PDE1C: variants seen among roughly 807,000 people sequenced by gnomAD.
The protein encoded by PDE1C is phosphodiesterase 1C, also known as dual specificity calcium/calmodulin-dependent 3',5'-cyclic nucleotide phosphodiesterase 1C.
In PDE1C, 62 loss-of-function variants were observed where a neutral mutation model predicts 93.1. The ratio of observed to expected loss-of-function variants is 0.67; its 90% CI spans 0.54 to 0.82. PDE1C has a LOEUF of 0.82. PDE1C is among the 40% of genes least tolerant of loss of function. The pLI is 0.00. For missense variants in PDE1C, 742 were observed against 884.6 expected, an observed-to-expected ratio of 0.84 and a Z score of 2.04; for synonymous variants, 325 against 310.1, an observed-to-expected ratio of 1.05 and a Z score of -0.50.
At chr7:31,623,080 A>AATAACAGGATC in the PDE1C span, among the ~76,000 whole-genome samples, 6 of 152,226 alleles carry the variant, frequency 3.9e-5, no homozygotes, top group Non-Finnish European at 7.3e-5. Context: ...TGAATAGGCC[A>AATAACAGGATC]ATAACAGGAT....
In PDE1C at chr7:31,809,148, C is replaced by T. The variant is rs756831376; in HGVS notation, c.1814-40G>A. Reference sequence around the variant, plus strand: ...CATGACAAACAGTATATGTATGCAGCTGAGGGGGTTGTTATAAACATCTTT... The same window carrying T: ...CATGACAAACAGTATATGTATGCAGTTGAGGGGGTTGTTATAAACATCTTT... On this transcript the variant is annotated intron_variant, in intron 15 of 17. Coordinates refer to ENST00000396191, the MANE Select transcript of PDE1C (RefSeq NM_001191057.4). The T allele has an allele frequency of 2.4e-5, 26 of 1,102,142 alleles. No individual in the cohort carries two copies. In the Middle Eastern group the frequency reaches 6.0e-4, roughly 25 times the overall value. The allele number at this position is 1,102,142 out of a possible 1,614,324, so 68.3% of individuals were successfully genotyped here. A position where few individuals can be genotyped will look rare whatever the true frequency, so the allele number is the denominator to read the frequency against.
chr7:32,308,508 C>T (rs36201079), intron 1 of PDE1C, among the ~76,000 whole-genome samples: 18,024 of 152,140 alleles, frequency 0.12, 1,150 homozygotes, highest in East Asian at 0.18. Flanking sequence ...ACACCTCACA[C>T]GGCTGGGTAC....
intron 2 of PDE1C, among the ~76,000 whole-genome samples, chr7:32,034,029 T>G (rs959112078): frequency 2.0e-5 from 3 of 149,368 alleles, no homozygotes; most frequent in Non-Finnish European, 4.4e-5. Flanking sequence ...AAATTAGACT[T>G]AATCAGTGGT....
the PDE1C span, among the ~76,000 whole-genome samples, chr7:31,737,800 C>CAAAAAAA: frequency 1.1e-5 from 1 of 93,196 alleles, no homozygotes; most frequent in African/African-American, 4.1e-5. Context: ...CACTCCATCT[C>CAAAAAAA]AAAAAAAAAA....
intron 1 of PDE1C, among the ~76,000 whole-genome samples, chr7:32,211,068 G>A (rs1805988983): frequency 6.6e-6 from 1 of 152,078 alleles, no homozygotes; most frequent in Non-Finnish European, 1.5e-5. Context: ...AATTAGCCGG[G>A]CGTGGTGGTG....
chr7:32,162,898 T>C (rs564073081), intron 3 of PDE1C, among the ~76,000 whole-genome samples: 3 of 152,266 alleles, frequency 2.0e-5, no homozygotes, highest in Non-Finnish European at 4.4e-5. Flanking sequence ...GAATGGTGTC[T>C]ACCTCATATA....
At chr7:32,297,975 CT>C (rs1812692185) in intron 1 of PDE1C, among the ~76,000 whole-genome samples, 2 of 70,308 alleles carry the variant, frequency 2.8e-5, no homozygotes, top group Non-Finnish European at 2.9e-5. Context: ...CTCTCTCTCT[CT>C]CTCTCTCTCT....
intron 2 of PDE1C, among the ~76,000 whole-genome samples, chr7:32,200,338 C>T (rs1359245223): frequency 6.6e-6 from 1 of 152,132 alleles, no homozygotes; most frequent in African/African-American, 2.4e-5. Flanking sequence ...CCATTAGTAG[C>T]CCAGAACTAA....
rs140155167 is a variant in PDE1C at position 31,866,999 on chromosome 7, C to T, written c.610-1917G>A. On this transcript the variant is annotated intron_variant, in intron 6 of 17. Coordinates refer to ENST00000396191, the MANE Select transcript of PDE1C (RefSeq NM_001191057.4). ...CCCCTAACCCCCTACCCAGCTACAGCAAGGCACCATATTGAGAGCCCAGCC... is the reference window on the plus strand; with the variant it reads ...CCCCTAACCCCCTACCCAGCTACAGTAAGGCACCATATTGAGAGCCCAGCC... Among the ~76,000 whole-genome samples, 197 of 152,234 alleles carry T rather than the reference C, an allele frequency of 1.3e-3. 5 individuals carry two copies. The highest frequency in any genetic ancestry group is 4.6e-3 in the African/African-American group (190 of 41,548).
intron 2 of PDE1C, among the ~76,000 whole-genome samples, chr7:32,032,995 A>T (rs1454841237): frequency 6.6e-6 from 1 of 152,152 alleles, no homozygotes; most frequent in African/African-American, 2.4e-5. Context: ...ACTGGAGATC[A>T]CAAGCTCTCT....
At chr7:31,791,147 G>A (rs1784556471) in intron 16 of PDE1C, among the ~76,000 whole-genome samples, 1 of 152,126 alleles carries the variant, frequency 6.6e-6, no homozygotes, top group Non-Finnish European at 1.5e-5. Context: ...CTAAGATTTA[G>A]GTGAATTTAG....
intron 2 of PDE1C, chr7:32,209,393 C>T: frequency 1.0e-6 from 1 of 994,528 alleles, no homozygotes. Context: ...TTATTAACAC[C>T]TGACAGAATT....
rs1794207561 is a variant in PDE1C, at chr7:31,752,905, C to T, written c.*479G>A. The T allele has an allele frequency of 6.6e-6, 1 of 152,024 alleles. No individual in the cohort carries two copies. The highest frequency in any genetic ancestry group is 2.4e-5 in the African/African-American group (1 of 41,392). The allele number at this position is 152,024 out of a possible 1,614,324, so 9.4% of individuals were successfully genotyped here. ...ATTTACTTTGATAGTTACATATTTACTTGAATTTTAAATAAGTGTATTTAC... is the reference window on the plus strand; with the variant it reads ...ATTTACTTTGATAGTTACATATTTATTTGAATTTTAAATAAGTGTATTTAC... On this transcript the variant is annotated 3_prime_UTR_variant, in exon 18 of 18. Transcript: ENST00000396191.
At chr7:31,839,874 T>C (rs574198838) in intron 9 of PDE1C, among the ~76,000 whole-genome samples, 2 of 152,236 alleles carry the variant, frequency 1.3e-5, no homozygotes, top group Non-Finnish European at 2.9e-5. Flanking sequence ...CCGTCTCTAC[T>C]AAAAATACAA....
chr7:32,002,787 T>C (rs1282123986), intron 2 of PDE1C, among the ~76,000 whole-genome samples: 1 of 152,162 alleles, frequency 6.6e-6, no homozygotes, highest in African/African-American at 2.4e-5. Flanking sequence ...TTGAACTGGG[T>C]ATTTCCTGAA....
the PDE1C span, among the ~76,000 whole-genome samples, chr7:31,638,028 G>T: frequency 7.9e-5 from 12 of 152,066 alleles, no homozygotes; most frequent in Non-Finnish European, 1.8e-4. Context: ...CTTCAGGATG[G>T]GCTGCCCTCT....
intron 3 of PDE1C, among the ~76,000 whole-genome samples, chr7:32,159,104 G>A (rs1801754179): frequency 6.6e-6 from 1 of 152,188 alleles, no homozygotes; most frequent in African/African-American, 2.4e-5. Context: ...TGTGAGGTCT[G>A]GGAGACGGGG....
Position 32,174,303 on chromosome 7 carries a change from C to T in PDE1C, c.137-4347G>A, listed in dbSNP as rs755966100. Among the ~76,000 whole-genome samples, 8 of 152,128 alleles carry T rather than the reference C, an allele frequency of 5.3e-5. No individual in the cohort carries two copies. The South Asian group carries it at 8.3e-4, about 16-fold the overall frequency. ...CCTCAATGTGCCAGGTTTCATTCTT[C>T]GCCCTAGAAATGGAAAGATGAATGA... On this transcript the variant is annotated intron_variant, in intron 2 of 18. Transcript: ENST00000396193.
intron 2 of PDE1C, among the ~76,000 whole-genome samples, chr7:32,186,191 C>T (rs889127703): frequency 5.9e-5 from 9 of 151,408 alleles, no homozygotes; most frequent in Non-Finnish European, 1.2e-4. Flanking sequence ...CAAGCTCCGC[C>T]TCCCGGGTTC....
Sources: gnomAD v4.1 joint callset for allele counts (sites outside exome capture counted in the v4.1 genomes callset) on GRCh38, gnomAD v4.1.1 for gene constraint, MANE v1.5 for transcripts, NCBI Gene and HGNC (gene_info 2026-07-23, HGNC 2026-07-21) for gene names.